Variants in RBFOX1 observed in about 807,000 individuals in gnomAD.
RBFOX1 encodes the protein RNA binding fox-1 homolog 1.
Under a neutral mutation model 57.7 loss-of-function variants are expected in RBFOX1, and 8 were observed. The ratio of observed to expected loss-of-function variants is 0.14; its 90% CI spans 0.08 to 0.25. The LOEUF (loss-of-function observed/expected upper bound fraction) is 0.25, where lower values mean the gene tolerates loss of function less well. RBFOX1 is among the 10% of genes least tolerant of loss of function. The pLI is 1.00. For missense variants in RBFOX1, 611 were observed against 548.5 expected (o/e 1.11, Z -1.14); for synonymous variants, 326 against 222.4 (o/e 1.47, Z -4.15).
intron 4 of RBFOX1, among the ~76,000 whole-genome samples, chr16:7,164,353 T>C (rs1474752777): frequency 1.3e-5 from 2 of 152,204 alleles, no homozygotes; most frequent in African/African-American, 2.4e-5. Flanking sequence ...ATTTTCTTGA[T>C]CCACTCATTG....
intron 2 of RBFOX1, among the ~76,000 whole-genome samples, chr16:6,620,707 C>G (rs1308154148): frequency 6.6e-6 from 1 of 152,122 alleles, no homozygotes; most frequent in Non-Finnish European, 1.5e-5. Flanking sequence ...AAACAACCAT[C>G]ACAAGATTAT....
chr16:6,839,021 G>A (rs150303057), intron 3 of RBFOX1, among the ~76,000 whole-genome samples: 1,835 of 151,378 alleles, frequency 0.012, 54 homozygotes, highest in African/African-American at 0.043. Flanking sequence ...GTCTTGCTCT[G>A]TCGACGAGGC....
intron 4 of RBFOX1, among the ~76,000 whole-genome samples, chr16:5,887,076 C>T (rs773106346): frequency 1.1e-4 from 16 of 152,120 alleles, no homozygotes; most frequent in Middle Eastern, 3.2e-3. Context: ...AGCATTTTCT[C>T]CCCAGGTTGT....
chr16:6,890,723 GAGA>G (rs1288134693), intron 3 of RBFOX1, among the ~76,000 whole-genome samples: 1 of 152,184 alleles, frequency 6.6e-6, no homozygotes, highest in Non-Finnish European at 1.5e-5. Flanking sequence ...ATTCCAAGTG[GAGA>G]AGAAGGAGAG....
intron 3 of RBFOX1, among the ~76,000 whole-genome samples, chr16:6,865,159 C>A (rs564020815): frequency 2.6e-5 from 4 of 151,660 alleles, no homozygotes; most frequent in Non-Finnish European, 4.4e-5. Flanking sequence ...CCCACCACCA[C>A]TCCTGGGTAA....
intron 4 of RBFOX1, among the ~76,000 whole-genome samples, chr16:7,476,656 G>C (rs1020482560): frequency 1.3e-5 from 2 of 152,064 alleles, no homozygotes; most frequent in Non-Finnish European, 2.9e-5. Context: ...CACCTTTGGG[G>C]CACATTCTAT....
intron 1 of RBFOX1, among the ~76,000 whole-genome samples, chr16:6,159,216 A>G (rs1431786090): frequency 2.0e-5 from 3 of 152,106 alleles, no homozygotes; most frequent in Admixed American, 6.6e-5. Context: ...AGATGGGTCT[A>G]TAGACGCACA....
chr16:6,945,457 T>C (rs1482285958), intron 3 of RBFOX1, among the ~76,000 whole-genome samples: 2 of 141,820 alleles, frequency 1.4e-5, no homozygotes, highest in Admixed American at 1.4e-4. Context: ...TTAAAGAAAA[T>C]ATGGATATTT....
chr16:6,071,778 C>A (rs911248913), intron 1 of RBFOX1, among the ~76,000 whole-genome samples: 81 of 152,286 alleles, frequency 5.3e-4, no homozygotes, highest in African/African-American at 1.9e-3. Flanking sequence ...CACCATTCTC[C>A]CCTCAGCTTC....
At chr16:6,763,247 A>G (rs1266426872) in intron 3 of RBFOX1, among the ~76,000 whole-genome samples, 3 of 152,220 alleles carry the variant, frequency 2.0e-5, no homozygotes, top group South Asian at 2.1e-4. Flanking sequence ...GAATTAATCA[A>G]TAAATGGTTT....
chr16:6,474,613 G>A (rs2095244524), intron 2 of RBFOX1, among the ~76,000 whole-genome samples: 1 of 152,176 alleles, frequency 6.6e-6, no homozygotes, highest in African/African-American at 2.4e-5. Flanking sequence ...GCATGGGATG[G>A]TGTGGTGCCC....
chr16:6,738,618 C>G (rs1019474540), intron 3 of RBFOX1, among the ~76,000 whole-genome samples: 1 of 152,130 alleles, frequency 6.6e-6, no homozygotes. Context: ...GAAGAACTCA[C>G]CACCATCAAC....
At chr16:6,521,985 A>T (rs138751109) in intron 2 of RBFOX1, among the ~76,000 whole-genome samples, 24 of 152,282 alleles carry the variant, frequency 1.6e-4, no homozygotes, top group African/African-American at 5.1e-4. Flanking sequence ...TTTTCTCACC[A>T]AGGTTATCGA....
chr16:6,682,012 T>C (rs762966216), intron 3 of RBFOX1, among the ~76,000 whole-genome samples: 2 of 152,238 alleles, frequency 1.3e-5, no homozygotes, highest in Non-Finnish European at 2.9e-5. Context: ...CTCAGAAGGA[T>C]ACACCCTTAC....
chr16:7,368,214 C>A (rs956958950), intron 4 of RBFOX1, among the ~76,000 whole-genome samples: 1 of 150,794 alleles, frequency 6.6e-6, no homozygotes, highest in Admixed American at 6.6e-5. Context: ...TTGCAATAAG[C>A]CAAGATCCTG....
At chr16:5,534,819 C>G (rs1379731710) in intron 2 of RBFOX1, among the ~76,000 whole-genome samples, 1 of 152,156 alleles carries the variant, frequency 6.6e-6, no homozygotes, top group African/African-American at 2.4e-5. Context: ...GCAATCCAAT[C>G]AAGTTGACAC....
chr16:7,477,869 G>T (rs974452904), intron 4 of RBFOX1, among the ~76,000 whole-genome samples: 5 of 152,190 alleles, frequency 3.3e-5, no homozygotes, highest in Admixed American at 3.3e-4. Context: ...AGAGGGCTTT[G>T]CTAGGGCTGG....
chr16:6,286,527 T>C lies in RBFOX1; in HGVS notation c.-126-30468T>C, dbSNP rs1175638870. On this transcript the variant is annotated intron_variant, in intron 1 of 15. Transcript: ENST00000550418. ...TGTTGCAAGGAATGGAAATGAGATA[T>C]GTGCTACCCTTAGAATATTAAGTTT... Among the ~76,000 whole-genome samples, 3 of 152,232 alleles carry C rather than the reference T, an allele frequency of 2.0e-5. No individual in the cohort carries two copies. The East Asian group carries it at 5.8e-4, about 29-fold the overall frequency.
chr16:7,465,822 C>T (rs2060414905), intron 4 of RBFOX1, among the ~76,000 whole-genome samples: 3 of 152,206 alleles, frequency 2.0e-5, no homozygotes, highest in South Asian at 4.1e-4. Flanking sequence ...TTCTTGTCTA[C>T]ACCGAAGTGC....
Sources: gnomAD v4.1 joint callset for allele counts (sites outside exome capture counted in the v4.1 genomes callset) on GRCh38, gnomAD v4.1.1 for gene constraint, MANE v1.5 for transcripts, NCBI Gene and HGNC (gene_info 2026-07-23, HGNC 2026-07-21) for gene names.